The following ZFP64 variants were observed in gnomAD, a reference collection of about 807,000 sequenced individuals.
The protein encoded by ZFP64 is zinc finger protein 64.
In ZFP64, 14 loss-of-function variants were observed where a neutral mutation model predicts 51.6. That is an observed-to-expected ratio of 0.27 (90% CI 0.18 to 0.42). The LOEUF is 0.42. Among genes scored for constraint, ZFP64 ranks in the 10% least tolerant of loss-of-function variants. The pLI, the probability that ZFP64 is intolerant of heterozygous loss-of-function variation, is 1.00. For missense variants in ZFP64, 754 were observed against 906.8 expected, an observed-to-expected ratio of 0.83 and a Z score of 2.16; for synonymous variants, 375 against 361.4, an observed-to-expected ratio of 1.04 and a Z score of -0.43.
chr20:52,156,467 G>A (rs981404681), intron 5 of ZFP64, among the ~76,000 whole-genome samples: 1 of 152,328 alleles, frequency 6.6e-6, no homozygotes, highest in African/African-American at 2.4e-5. Flanking sequence ...GAGACATGTG[G>A]AGCAGAGCTG....
intron 5 of ZFP64, among the ~76,000 whole-genome samples, chr20:52,133,798 C>G (rs576823367): frequency 6.6e-6 from 1 of 151,780 alleles, no homozygotes; most frequent in African/African-American, 2.4e-5. Context: ...TCTGGCAGGC[C>G]GGGGTAGATC....
chr20:52,089,116 G>A (rs1206216388), intron 7 of ZFP64: 1 of 488,530 alleles, frequency 2.0e-6, no homozygotes, highest in East Asian at 5.7e-5. Flanking sequence ...GAGATGCCAG[G>A]GACAGCAGAA....
intron 2 of ZFP64, among the ~76,000 whole-genome samples, chr20:52,181,988 G>C (rs188668431): frequency 6.6e-6 from 1 of 152,304 alleles, no homozygotes; most frequent in Admixed American, 6.5e-5. Context: ...CGGAGACAAC[G>C]CAAGCTGCAG....
intron 5 of ZFP64, among the ~76,000 whole-genome samples, chr20:52,111,467 G>C (rs1020013586): frequency 2.1e-4 from 32 of 151,566 alleles, no homozygotes; most frequent in African/African-American, 7.8e-4. Flanking sequence ...TGCCTGCTTC[G>C]GCCTCCCAAA....
intron 5 of ZFP64, chr20:52,105,038 G>A: frequency 1.5e-6 from 2 of 1,362,896 alleles, no homozygotes; most frequent in Non-Finnish European, 1.9e-6. Context: ...CGCCCTTTCA[G>A]GTCCCCTGCC....
rs151065617 is a variant in ZFP64, at chr20:52,186,591, T to C, written c.286+241A>G. On this transcript the variant is annotated intron_variant, in intron 2 of 5. Coordinates refer to ENST00000216923, the MANE Select transcript of ZFP64 (RefSeq NM_018197.3). ...TATATAGATTTTTGTTTCAGAAATC[T>C]CTTTTTTGTCTGTTTTTTTTGTAAC... is the stretch of plus-strand genomic sequence containing the variant. Among the ~76,000 whole-genome samples, 4 of 152,034 alleles carry C rather than the reference T, an allele frequency of 2.6e-5. No individual in the cohort carries two copies. The East Asian group carries it at 7.7e-4, about 29-fold the overall frequency.
rs182196926 is a variant in ZFP64 at position 52,181,558 on chromosome 20, C to T, written c.286+5274G>A. Among the ~76,000 whole-genome samples the T allele has an allele frequency of 2.4e-4, 36 of 152,236 alleles. 1 individual carries two copies. The South Asian group carries it at 6.0e-3, about 25-fold the overall frequency. The stretch of plus-strand genomic sequence containing the variant: ...AGGCAGAGGAGACATAGGAGAAGAG[C>T]GAGAAACGGTTTGGCTTAAGCAAGG... On this transcript the variant is annotated intron_variant, in intron 2 of 5. Coordinates refer to ENST00000216923, the MANE Select transcript of ZFP64 (RefSeq NM_018197.3).
rs144731987 is a variant in ZFP64 at position 52,170,536 on chromosome 20, A to T, written c.287-4511T>A. On this transcript the variant is annotated intron_variant, in intron 2 of 5. Coordinates refer to ENST00000216923, the MANE Select transcript of ZFP64 (RefSeq NM_018197.3). ...TTTTGGGGCAGGGCTAATCCCATGT[A>T]ACCTGCGAGTCATCCCAAAGTAGAT... Among the ~76,000 whole-genome samples the T allele has an allele frequency of 4.4e-3, 677 of 152,296 alleles. 10 individuals carry two copies. Among genetic ancestry groups the T allele is most frequent in the African/African-American group, 0.015 (641 of 41,558 alleles).
intron 2 of ZFP64, among the ~76,000 whole-genome samples, chr20:52,174,701 A>G (rs576813746): frequency 6.6e-6 from 1 of 152,182 alleles, no homozygotes; most frequent in African/African-American, 2.4e-5. Flanking sequence ...CATGGAGGAG[A>G]CATCTAGGAA....
intron 2 of ZFP64, among the ~76,000 whole-genome samples, chr20:52,175,264 A>G (rs974090478): frequency 8.5e-5 from 13 of 152,156 alleles, no homozygotes; most frequent in African/African-American, 2.9e-4. Context: ...CTGGGATAAC[A>G]GGTATGCGCC....
intron 5 of ZFP64, among the ~76,000 whole-genome samples, chr20:52,100,758 G>A (rs780619115): frequency 6.6e-6 from 1 of 152,182 alleles, no homozygotes; most frequent in Non-Finnish European, 1.5e-5. Context: ...TGCAACTATT[G>A]GCAAGCTACT....
downstream of ZFP64, among the ~76,000 whole-genome samples, chr20:52,149,990 C>T (rs866578275): frequency 1.2e-4 from 18 of 152,188 alleles, no homozygotes; most frequent in South Asian, 3.3e-3. Context: ...GGGTGGATCA[C>T]AAGGTCAGGA....
intron 5 of ZFP64, among the ~76,000 whole-genome samples, chr20:52,114,894 C>T (rs1205121748): frequency 6.6e-6 from 1 of 152,110 alleles, no homozygotes; most frequent in African/African-American, 2.4e-5. Flanking sequence ...GAGGTTTAGC[C>T]AGATCATGAA....
At chr20:52,100,527 C>T (rs1011521010) in intron 5 of ZFP64, among the ~76,000 whole-genome samples, 3 of 152,194 alleles carry the variant, frequency 2.0e-5, no homozygotes, top group South Asian at 2.1e-4. Flanking sequence ...ACTATAGCCA[C>T]GAGCCACTGT....
At chr20:52,115,322 T>C (rs1978807826) in intron 5 of ZFP64, among the ~76,000 whole-genome samples, 1 of 150,260 alleles carries the variant, frequency 6.7e-6, no homozygotes, top group African/African-American at 2.4e-5. Context: ...TCTAAACACA[T>C]ATTCAAATAT....
chr20:52,084,659 G>A, exon 9 of ZFP64: 3 of 1,614,254 alleles, frequency 1.9e-6, no homozygotes, highest in Non-Finnish European at 1.7e-6. Context: ...AGGTGACCAA[G>A]TCTGAGTTCT....
chr20:52,186,762 C>A, intron 2 of ZFP64, 70 bp downstream of exon 2: 2 of 1,522,792 alleles, frequency 1.3e-6, no homozygotes, highest in Non-Finnish European at 1.8e-6. Flanking sequence ...ATATTTTTAA[C>A]AAGTTCCATG....
chr20:52,104,158 CTT>C (rs1268999354), intron 5 of ZFP64, among the ~76,000 whole-genome samples: 1 of 152,236 alleles, frequency 6.6e-6, no homozygotes, highest in African/African-American at 2.4e-5. Flanking sequence ...CCTACAATCT[CTT>C]AATCTAAGCA....
At chr20:52,132,920 A>T (rs114588776) in intron 5 of ZFP64, among the ~76,000 whole-genome samples, 1 of 152,260 alleles carries the variant, frequency 6.6e-6, no homozygotes, top group African/African-American at 2.4e-5. Flanking sequence ...AGAAAACTAC[A>T]GGTCAATATC....
Sources: gnomAD v4.1 joint callset for allele counts (sites outside exome capture counted in the v4.1 genomes callset) on GRCh38, gnomAD v4.1.1 for gene constraint, MANE v1.5 for transcripts, NCBI Gene and HGNC (gene_info 2026-07-23, HGNC 2026-07-21) for gene names.